Variants in ACIN1 observed in about 807,000 individuals in gnomAD.
ACIN1 encodes the protein apoptotic chromatin condensation inducer 1.
Under a neutral mutation model 146.6 loss-of-function variants are expected in ACIN1, and 16 were observed. The ratio of observed to expected loss-of-function variants is 0.11; its 90% CI spans 0.07 to 0.17. ACIN1 has a LOEUF of 0.17. Among genes scored for constraint, ACIN1 ranks in the 10% least tolerant of loss-of-function variants. The pLI, the probability that ACIN1 is intolerant of heterozygous loss-of-function variation, is 1.00. For missense variants in ACIN1, 1,357 were observed against 1,609.3 expected (o/e 0.84, Z 2.68); for synonymous variants, 569 against 582.7 (o/e 0.98, Z 0.34).
intron 8 of ACIN1, among the ~76,000 whole-genome samples, chr14:23,070,202 G>A (rs1004415728): frequency 7.6e-4 from 115 of 150,718 alleles, no homozygotes; most frequent in Non-Finnish European, 3.7e-4. Flanking sequence ...ATGGTGGGGG[G>A]TGGGGGGTGC....
intron 16 of ACIN1, 41 bp downstream of exon 16, chr14:23,062,127 T>TC (rs771790277): frequency 6.5e-7 from 1 of 1,527,228 alleles, no homozygotes; most frequent in Non-Finnish European, 9.1e-7. Flanking sequence ...GATAATGGCT[T>TC]CCCCTGCCCC....
intron 9 of ACIN1, among the ~76,000 whole-genome samples, chr14:23,066,710 C>T (rs1037411248): frequency 6.6e-6 from 1 of 152,098 alleles, no homozygotes; most frequent in East Asian, 1.9e-4. Flanking sequence ...GCAGATTGTC[C>T]CCAAGGAGAT....
intron 7 of ACIN1, among the ~76,000 whole-genome samples, 162 bp downstream of exon 7, chr14:23,078,658 C>T (rs138579959): frequency 2.2e-3 from 334 of 152,286 alleles, no homozygotes; most frequent in Non-Finnish European, 3.7e-3. Context: ...AGAACTTCTA[C>T]GAACCAGGGA....
In ACIN1 at chr14:23,063,993, C is replaced by T. The variant is rs2047373001; in HGVS notation, c.2595+112G>A. On this transcript the variant is annotated intron_variant, in intron 12 of 18. Coordinates refer to ENST00000605057, the MANE Select transcript of ACIN1 (RefSeq NM_001386863.1). ...CCTGAAAGTGTCAGTCAACCCAACC[C>T]TCTGCACAGACAGGGAAGTTCCCTC... 4 of 1,451,056 alleles carry T rather than the reference C, an allele frequency of 2.8e-6. No homozygotes were observed. The Admixed American group carries it at 7.6e-5, about 28-fold the overall frequency. The allele number at this position is 1,451,056 out of a possible 1,614,324, so 89.9% of individuals were successfully genotyped here. A position where few individuals can be genotyped will look rare whatever the true frequency, so the allele number is the denominator to read the frequency against.
At chr14:23,066,411 GTCA>G (rs1160765772) in intron 9 of ACIN1, 1 of 159,476 alleles carries the variant, frequency 6.3e-6, no homozygotes, top group East Asian at 1.8e-4. Context: ...CCCAAACTGG[GTCA>G]TCTAGTCCTC....
In ACIN1 at chr14:23,087,404, C is replaced by T. The variant is rs543319170; in HGVS notation, c.436+2578G>A. On this transcript the variant is annotated intron_variant, in intron 4 of 18. Transcript: ENST00000605057. Reference sequence around the variant, plus strand: ...TACGGCAATTATGAGCAGTACTCTACAATTTACCACATTCATATTTTCCAA... The same window carrying T: ...TACGGCAATTATGAGCAGTACTCTATAATTTACCACATTCATATTTTCCAA... Among the ~76,000 whole-genome samples, 14 of 151,512 alleles carry T rather than the reference C, an allele frequency of 9.2e-5. No homozygotes were observed. The South Asian group carries it at 2.9e-3, about 32-fold the overall frequency.
Position 23,067,480 on chromosome 14 carries a change from G to A in ACIN1, c.2266-1472C>T, listed in dbSNP as rs763904292. On this transcript the variant is annotated intron_variant, in intron 9 of 18. Coordinates refer to ENST00000605057, the MANE Select transcript of ACIN1 (RefSeq NM_001386863.1). This position sits in a 1 kb window ranked among gnomAD's most constrained non-coding sequence, Gnocchi z 4.6. ...TGGTAGTCAGCACGGCACTGCCAGAGTCCTCCCAGGGGCGCAGGGGGGGCG... is the reference window on the plus strand; with the variant it reads ...TGGTAGTCAGCACGGCACTGCCAGAATCCTCCCAGGGGCGCAGGGGGGGCG... 1.0e-6 allele frequency: 1 copy of A among 970,808 alleles called. No individual in the cohort carries two copies. The highest frequency in any genetic ancestry group is 1.2e-6 in the Non-Finnish European group (1 of 821,608). The allele number at this position is 970,808 out of a possible 1,614,324, so 60.1% of individuals were successfully genotyped here. A position where few individuals can be genotyped will look rare whatever the true frequency, so the allele number is the denominator to read the frequency against.
At chr14:23,091,238 T>C (rs904055248) in intron 2 of ACIN1, among the ~76,000 whole-genome samples, 4 of 152,194 alleles carry the variant, frequency 2.6e-5, no homozygotes, top group African/African-American at 7.2e-5. Flanking sequence ...CCTGTAATTA[T>C]ATCTTTTAGG....
intron 8 of ACIN1, 69 bp from the exon 9 acceptor site, chr14:23,069,686 G>A (rs2047571236): frequency 8.9e-6 from 13 of 1,460,242 alleles, no homozygotes; most frequent in Non-Finnish European, 1.2e-5. Context: ...AGAGCAAGAT[G>A]TTAGTTACTG....
At chr14:23,087,466 G>T (rs575644403) in intron 4 of ACIN1, among the ~76,000 whole-genome samples, 5,555 of 146,122 alleles carry the variant, frequency 0.038, 141 homozygotes, top group Non-Finnish European at 0.054. Context: ...AACGTCTGGG[G>T]TTTTTTTTTT....
intron 8 of ACIN1, among the ~76,000 whole-genome samples, chr14:23,074,245 C>G (rs942169478): frequency 1.3e-5 from 2 of 151,686 alleles, no homozygotes; most frequent in Non-Finnish European, 2.9e-5. Context: ...TCTGTGGGAC[C>G]CAACAATTCC....
At chr14:23,089,364 A>G (rs1443918405) in intron 4 of ACIN1, among the ~76,000 whole-genome samples, 4 of 152,158 alleles carry the variant, frequency 2.6e-5, no homozygotes, top group South Asian at 4.1e-4. Context: ...TGGGTGCTTA[A>G]TATTTTCTAT....
chr14:23,066,885 G>A (rs561622614), intron 9 of ACIN1, among the ~76,000 whole-genome samples: 3 of 152,210 alleles, frequency 2.0e-5, no homozygotes, highest in Admixed American at 6.5e-5. Flanking sequence ...TATGGGGGGC[G>A]GGGGAGAAAA....
At position 23,062,283 on chromosome 14, in the gene ACIN1, AG is replaced by A; in HGVS notation, c.2992-9del. On this transcript the variant is annotated splice_polypyrimidine_tract_variant and intron_variant, in intron 15 of 18. Coordinates refer to ENST00000605057, the MANE Select transcript of ACIN1 (RefSeq NM_001386863.1). ...TTCCTCTACTGTTGAGTACTGGTGGAGGAAGGGAGAAGATGGAGGGTCACAG... is the reference window on the plus strand; with the variant it reads ...TTCCTCTACTGTTGAGTACTGGTGGAGAAGGGAGAAGATGGAGGGTCACAG... The A allele has an allele frequency of 6.2e-7, 1 of 1,612,628 alleles. No individual in the cohort carries two copies. Among genetic ancestry groups the A allele is most frequent in the Non-Finnish European group, 8.5e-7 (1 of 1,178,738 alleles).
Position 23,081,855 on chromosome 14 carries a change from T to A in ACIN1, c.437-19A>T. 1.3e-6 allele frequency: 2 copies of A among 1,590,956 alleles called. No homozygotes were observed. Among genetic ancestry groups the A allele is most frequent in the South Asian group, 1.1e-5 (1 of 88,926 alleles). On this transcript the variant is annotated intron_variant, in intron 4 of 18. Transcript: ENST00000605057. ...CTTTTTCCTATTGAATGAAAAAGAA[T>A]CAAGTCAGATTCATGAAGTGAAGAC...
At position 23,068,121 on chromosome 14, in the gene ACIN1, G is replaced by T. The variant is rs114164492; in HGVS notation, c.2265+1355C>A. On this transcript the variant is annotated intron_variant, in intron 9 of 18. Transcript: ENST00000605057. This position sits in a 1 kb window ranked among gnomAD's most constrained non-coding sequence, Gnocchi z 4.3. Reference sequence around the variant, plus strand: ...CAAGTGGTGACACATGGGCTGGGCTGTCATCAGCATTAAATCCCCAGGGGC... The same window carrying T: ...CAAGTGGTGACACATGGGCTGGGCTTTCATCAGCATTAAATCCCCAGGGGC... 177 of 985,936 alleles carry T rather than the reference G, an allele frequency of 1.8e-4. No homozygotes were observed. The African/African-American group carries it at 2.5e-3, about 14-fold the overall frequency. 61.1% of individuals were successfully genotyped at this position (985,936 alleles called of 1,614,324 possible). A position where few individuals can be genotyped will look rare whatever the true frequency, so the allele number is the denominator to read the frequency against.
chr14:23,064,552 A>T, intron 10 of ACIN1, 64 bp from the exon 11 acceptor site: 2 of 1,585,116 alleles, frequency 1.3e-6, no homozygotes, highest in Non-Finnish European at 1.7e-6. Flanking sequence ...TCAAACCGTA[A>T]TACCTACAGG....
chr14:23,063,235 A>G, intron 13 of ACIN1, 161 bp from the exon 14 acceptor site: 1 of 1,105,474 alleles, frequency 9.0e-7, no homozygotes, highest in Non-Finnish European at 1.3e-6. Context: ...TGCTAGGCTA[A>G]CCTCCTCATC....
Position 23,068,215 on chromosome 14 carries a change from T to C in ACIN1, c.2265+1261A>G. On this transcript the variant is annotated intron_variant, in intron 9 of 18. Coordinates refer to ENST00000605057, the MANE Select transcript of ACIN1 (RefSeq NM_001386863.1). This position sits in a 1 kb window ranked among gnomAD's most constrained non-coding sequence, Gnocchi z 4.3. Reference sequence around the variant, plus strand: ...TAAGTAGAGGGTCCCACTCAGTGTTTTACAGCATGGCACTGCGATCACAAA... The same window carrying C: ...TAAGTAGAGGGTCCCACTCAGTGTTCTACAGCATGGCACTGCGATCACAAA... The C allele has an allele frequency of 1.0e-6, 1 of 985,924 alleles. No homozygotes were observed. Among genetic ancestry groups the C allele is most frequent in the Non-Finnish European group, 1.2e-6 (1 of 829,966 alleles). 61.1% of individuals were successfully genotyped at this position (985,924 alleles called of 1,614,324 possible).
Sources: gnomAD v4.1 joint callset for allele counts (sites outside exome capture counted in the v4.1 genomes callset) on GRCh38, gnomAD v4.1.1 for gene constraint, Gnocchi (gnomAD v3.1) non-coding constraint, MANE v1.5 for transcripts, NCBI Gene and HGNC (gene_info 2026-07-23, HGNC 2026-07-21) for gene names.